Variants in LRP8 observed in about 807,000 individuals in gnomAD.
LRP8 encodes the protein LDL receptor related protein 8, also known as low-density lipoprotein receptor-related protein 8.
Under a neutral mutation model 111.6 loss-of-function variants are expected in LRP8, and 46 were observed. The observed-to-expected ratio is 0.41, with a 90% CI of 0.33 to 0.53. The LOEUF (loss-of-function observed/expected upper bound fraction) is 0.53, where lower values mean the gene tolerates loss of function less well. LRP8 is among the 20% of genes least tolerant of loss of function. LRP8 has a pLI of 0.20. For missense variants in LRP8, 959 were observed against 1,297.4 expected (o/e 0.74, Z 4.01); for synonymous variants, 464 against 511.2 (o/e 0.91, Z 1.24).
intron 2 of LRP8, among the ~76,000 whole-genome samples, chr1:53,302,054 G>A (rs1271386954): frequency 6.6e-6 from 1 of 152,076 alleles, no homozygotes; most frequent in Non-Finnish European, 1.5e-5. Context: ...CTGTGAGTAA[G>A]GTCTGCTGGA....
intron 14 of LRP8, among the ~76,000 whole-genome samples, chr1:53,257,684 G>C (rs1219444817): frequency 6.6e-6 from 1 of 152,124 alleles, no homozygotes; most frequent in Non-Finnish European, 1.5e-5. Flanking sequence ...ACATTGCTGT[G>C]GAATTAGTTG....
intron 3 of LRP8, among the ~76,000 whole-genome samples, chr1:53,286,444 T>G (rs908730925): frequency 5.3e-5 from 8 of 152,174 alleles, no homozygotes; most frequent in African/African-American, 1.9e-4. Context: ...CATATTCAAA[T>G]AAATAGCATC....
Position 53,312,681 on chromosome 1 carries a change from T to C in LRP8, c.244+14192A>G, listed in dbSNP as rs147631424. Among the ~76,000 whole-genome samples, 224 of 152,166 alleles carry C rather than the reference T, an allele frequency of 1.5e-3. 1 individual carries two copies. The highest frequency in any genetic ancestry group is 4.9e-3 in the African/African-American group (204 of 41,488). ...GCCTTTTTCTTTGTTTTTAATTAAG[T>C]GAGCCGTGCCCAGCTAGCAGATTCC... On this transcript the variant is annotated intron_variant, in intron 2 of 18. Coordinates refer to ENST00000306052, the MANE Select transcript of LRP8 (RefSeq NM_004631.5).
intron 2 of LRP8, among the ~76,000 whole-genome samples, chr1:53,321,347 G>A (rs904571701): frequency 2.0e-5 from 3 of 152,078 alleles, no homozygotes; most frequent in African/African-American, 4.8e-5. Context: ...TGCTACCAAC[G>A]TTACTTAGGC....
rs564679417 is a variant in LRP8 at position 53,291,089 on chromosome 1, C to T, written c.245-1400G>A. On this transcript the variant is annotated intron_variant, in intron 2 of 18. Transcript: ENST00000306052. ...TTTGAGACACTGCTGTGCTATTTTG[C>T]TCTGTATCCTCAAGCACATCATGGC... Among the ~76,000 whole-genome samples, 22 of 152,052 alleles carry T rather than the reference C, an allele frequency of 1.4e-4. No homozygotes were observed. In the South Asian group the frequency reaches 4.6e-3, roughly 31 times the overall value.
At chr1:53,273,458 G>A (rs1646821422) in intron 6 of LRP8, among the ~76,000 whole-genome samples, 1 of 152,122 alleles carries the variant, frequency 6.6e-6, no homozygotes, top group Non-Finnish European at 1.5e-5. Context: ...TACAGACACC[G>A]GCCTCTCACC....
intron 2 of LRP8, among the ~76,000 whole-genome samples, chr1:53,291,408 C>A (rs1056856335): frequency 2.0e-5 from 3 of 152,046 alleles, no homozygotes; most frequent in African/African-American, 7.3e-5. Flanking sequence ...CAGCCTGCCC[C>A]GCTCCCTCAT....
At chr1:53,252,629 G>A (rs764471427) in intron 16 of LRP8, among the ~76,000 whole-genome samples, 1 of 152,188 alleles carries the variant, frequency 6.6e-6, no homozygotes, top group Non-Finnish European at 1.5e-5. Flanking sequence ...GAAAACCTAA[G>A]AAGAAATACG....
chr1:53,260,680 A>G, intron 12 of LRP8, 75 bp from the exon 13 acceptor site: 1 of 1,482,416 alleles, frequency 6.7e-7, no homozygotes, highest in South Asian at 1.2e-5. Flanking sequence ...GTTGGCCCCA[A>G]ACCATAGTCA....
chr1:53,323,254 G>A (rs1348663234), intron 2 of LRP8, among the ~76,000 whole-genome samples: 1 of 152,192 alleles, frequency 6.6e-6, no homozygotes, highest in Non-Finnish European at 1.5e-5. Flanking sequence ...TAACCCGTCT[G>A]TGCCTCGATG....
intron 4 of LRP8, among the ~76,000 whole-genome samples, chr1:53,278,093 T>A (rs1462748518): frequency 6.6e-6 from 1 of 152,208 alleles, no homozygotes; most frequent in Non-Finnish European, 1.5e-5. Context: ...TGCCAGTTTA[T>A]AGATGGGGAA....
intron 2 of LRP8, among the ~76,000 whole-genome samples, chr1:53,292,749 T>C (rs1259835612): frequency 1.3e-5 from 2 of 152,322 alleles, no homozygotes; most frequent in East Asian, 1.9e-4. Context: ...ATTTGACATA[T>C]GAGGAAATCC....
intron 10 of LRP8, 129 bp downstream of exon 10, chr1:53,264,040 C>G: frequency 1.1e-6 from 1 of 882,168 alleles, no homozygotes; most frequent in Non-Finnish European, 1.7e-6. Flanking sequence ...ATTAACAAGA[C>G]TTTCTTCCCC....
At chr1:53,269,354 C>T (rs10888777) in intron 8 of LRP8, among the ~76,000 whole-genome samples, 56,754 of 151,720 alleles carry the variant, frequency 0.37, 11,549 homozygotes, top group East Asian at 0.71. Flanking sequence ...CTCACTCTGT[C>T]ACCCAGGCTG....
intron 2 of LRP8, among the ~76,000 whole-genome samples, chr1:53,321,811 A>G (rs872314): frequency 0.046 from 6,997 of 152,212 alleles, 405 homozygotes; most frequent in African/African-American, 0.13. Context: ...AGGCACAGCC[A>G]AGAGGAAAGG....
intron 15 of LRP8, among the ~76,000 whole-genome samples, chr1:53,255,397 A>G (rs1460073853): frequency 1.3e-5 from 2 of 152,180 alleles, no homozygotes; most frequent in East Asian, 3.9e-4. Flanking sequence ...CAGGCAAGGA[A>G]ACTGAGTCTT....
intron 6 of LRP8, chr1:53,272,508 C>A: frequency 8.9e-7 from 1 of 1,128,274 alleles, no homozygotes; most frequent in Non-Finnish European, 1.2e-6. Context: ...CATGGCCATG[C>A]ATATAGCTGG....
At chr1:53,305,107 T>G (rs1380373345) in intron 2 of LRP8, 1 of 152,214 alleles carries the variant, frequency 6.6e-6, no homozygotes, top group East Asian at 1.9e-4. Flanking sequence ...CTCCCAGAAC[T>G]AAGGTTTGGA....
At position 53,275,865 on chromosome 1, in the gene LRP8, G is replaced by A; in HGVS notation, c.884-112C>T. 1 of 1,375,822 alleles carries A rather than the reference G, an allele frequency of 7.3e-7. No individual in the cohort carries two copies. The highest frequency in any genetic ancestry group is 9.9e-7 in the Non-Finnish European group (1 of 1,014,766). 85.2% of individuals were successfully genotyped at this position (1,375,822 alleles called of 1,614,324 possible). ...ACCCCCAGCAAAAACAGAACCAGTG[G>A]CTGAACTCAGGAGTCCTCAAAGGAC... On this transcript the variant is annotated intron_variant, in intron 5 of 18. Transcript: ENST00000306052. This position sits in a 1 kb window ranked among gnomAD's most constrained non-coding sequence, Gnocchi z 4.4.
Sources: allele counts gnomAD v4.1 joint callset (sites outside exome capture counted in the v4.1 genomes callset), GRCh38; gene constraint gnomAD v4.1.1; non-coding constraint Gnocchi (gnomAD v3.1); transcripts MANE v1.5; gene names NCBI Gene and HGNC (gene_info 2026-07-23, HGNC 2026-07-21).